Variants in DCLK1 observed in about 807,000 individuals in gnomAD.
The protein encoded by DCLK1 is doublecortin like kinase 1.
DCLK1 carries 16 observed loss-of-function variants against 86.2 expected under a neutral mutation model. The observed-to-expected ratio is 0.19, with a 90% CI of 0.13 to 0.28. DCLK1 has a LOEUF of 0.28. Ranked by LOEUF, DCLK1 falls within the 10% of genes least tolerant of loss-of-function variation. The pLI, the probability that DCLK1 is intolerant of heterozygous loss-of-function variation, is 1.00. For missense variants in DCLK1, 590 were observed against 940.2 expected, an observed-to-expected ratio of 0.63 and a Z score of 4.87; for synonymous variants, 369 against 370.5, an observed-to-expected ratio of 1.00 and a Z score of 0.05.
intron 3 of DCLK1, among the ~76,000 whole-genome samples, chr13:36,105,084 T>C (rs1885342486): frequency 6.6e-6 from 1 of 152,140 alleles, no homozygotes; most frequent in African/African-American, 2.4e-5. Context: ...GAAGAGGAAA[T>C]TGAGATTCAG....
chr13:36,100,872 C>G (rs1211723203), intron 3 of DCLK1, among the ~76,000 whole-genome samples: 3 of 152,222 alleles, frequency 2.0e-5, no homozygotes, highest in Non-Finnish European at 2.9e-5. Context: ...ATAGTCAAGT[C>G]TGCAGTACGT....
chr13:35,855,881 C>A lies in DCLK1; in HGVS notation c.941-1288G>T, dbSNP rs1189284332. On this transcript the variant is annotated intron_variant, in intron 5 of 16. Transcript: ENST00000360631. ...TGAAGTGGCCCTGGGGGCAAGAGAT[C>A]CAGTGACTCATCTGAAAATCGAAAT... 5 of 1,104,294 alleles carry A rather than the reference C, an allele frequency of 4.5e-6. No individual in the cohort carries two copies. In the Admixed American group the frequency reaches 1.5e-4, roughly 32 times the overall value. The allele number at this position is 1,104,294 out of a possible 1,614,324, so 68.4% of individuals were successfully genotyped here.
intron 2 of DCLK1, among the ~76,000 whole-genome samples, chr13:36,118,032 C>T (rs987329285): frequency 7.2e-5 from 11 of 152,070 alleles, no homozygotes; most frequent in Admixed American, 2.0e-4. Flanking sequence ...TAATAATATG[C>T]TCTGTTGCAC....
intron 4 of DCLK1, among the ~76,000 whole-genome samples, chr13:35,932,128 A>G (rs1876475920): frequency 6.6e-6 from 1 of 152,218 alleles, no homozygotes. Flanking sequence ...CAACGTAGGT[A>G]GGCCTCATCC....
At chr13:35,854,765 TCA>T (rs963316038) in intron 5 of DCLK1, among the ~76,000 whole-genome samples, 172 bp from the exon 6 acceptor site, 6 of 152,154 alleles carry the variant, frequency 3.9e-5, no homozygotes, top group African/African-American at 9.7e-5. Context: ...CTTCAGAGAG[TCA>T]CAGTTTTGTA....
intron 6 of DCLK1, chr13:35,848,647 A>C (rs1870388014): frequency 3.6e-5 from 35 of 985,186 alleles, no homozygotes; most frequent in Non-Finnish European, 4.2e-5. Context: ...AACAAATAGC[A>C]TTTATTGGAC....
rs1202957529 is a variant in DCLK1, at chr13:36,011,193, A to AT, written c.724-63737dup. ...AAAAAACCAGCTCCTGGATTCATTG[A>AT]TTTTTTGAAGGGTTTTTTGTGTCTC... On this transcript the variant is annotated intron_variant, in intron 3 of 16. Coordinates refer to ENST00000360631, the MANE Select transcript of DCLK1 (RefSeq NM_001330071.2). Among the ~76,000 whole-genome samples, 361 of 62,354 alleles carry AT rather than the reference A, an allele frequency of 5.8e-3. 2 individuals carry two copies. Among genetic ancestry groups the AT allele is most frequent in the African/African-American group, 0.02 (319 of 16,260 alleles). The allele number at this position is 62,354 out of a possible 152,430, so 40.9% of individuals were successfully genotyped here. A position where few individuals can be genotyped will look rare whatever the true frequency, so the allele number is the denominator to read the frequency against.
intron 3 of DCLK1, among the ~76,000 whole-genome samples, chr13:36,037,315 G>T (rs1232550996): frequency 2.0e-5 from 3 of 152,108 alleles, no homozygotes; most frequent in Admixed American, 2.0e-4. Flanking sequence ...AATAAATAAG[G>T]CCTAGTGTTC....
Position 36,090,547 on chromosome 13 carries a change from G to A in DCLK1, c.723+21322C>T, listed in dbSNP as rs529870147. Among the ~76,000 whole-genome samples, 12 of 152,294 alleles carry A rather than the reference G, an allele frequency of 7.9e-5. No individual in the cohort carries two copies. The South Asian group carries it at 2.3e-3, about 29-fold the overall frequency. ...CACGCCACGCTGGGACAAAAGCTCTGTTCTTAGAAAGAGCTCTCTGGAGGT... is the reference window on the plus strand; with the variant it reads ...CACGCCACGCTGGGACAAAAGCTCTATTCTTAGAAAGAGCTCTCTGGAGGT... On this transcript the variant is annotated intron_variant, in intron 3 of 16. Coordinates refer to ENST00000360631, the MANE Select transcript of DCLK1 (RefSeq NM_001330071.2).
At chr13:35,813,548 G>GA (rs1381319886) in intron 11 of DCLK1, among the ~76,000 whole-genome samples, 4 of 151,864 alleles carry the variant, frequency 2.6e-5, no homozygotes, top group Admixed American at 1.3e-4. Context: ...CAATAACTAA[G>GA]AAAAAATCAC....
In DCLK1 at chr13:36,126,067, C is replaced by T. The variant is rs752565045; in HGVS notation, c.71G>A (p.Gly24Glu). 6.2e-7 allele frequency: 1 copy of T among 1,612,788 alleles called. No individual in the cohort carries two copies. Among genetic ancestry groups the T allele is most frequent in the Non-Finnish European group, 8.5e-7 (1 of 1,179,970 alleles). Residue 24 changes from glycine (G) to glutamate (E), a missense_variant, in exon 2 of 17, where the codon GGG becomes GAG. Gly to Glu is a moderately conservative substitution (Grantham distance 98). Around this residue, in one of 6 missense-constraint regions of DCLK1, gnomAD observed 50 missense variants for 47.8 expected, o/e 1.05. Coordinates refer to ENST00000360631, the MANE Select transcript of DCLK1 (RefSeq NM_001330071.2). Reference sequence around the variant, plus strand: ...GCTCGGCAGGCCGTTCACCCGCGACCCTCGGCTGTATCTCTGCGCCTTATC... The same window carrying T: ...GCTCGGCAGGCCGTTCACCCGCGACTCTCGGCTGTATCTCTGCGCCTTATC... ...ERDKAQRYSRGSRVNGLPSPT... is the reference protein window; with the variant it reads ...ERDKAQRYSRESRVNGLPSPT...
chr13:35,930,285 T>A (rs927929890), intron 4 of DCLK1, among the ~76,000 whole-genome samples: 4 of 152,222 alleles, frequency 2.6e-5, no homozygotes, highest in Non-Finnish European at 5.9e-5. Context: ...CAAATGGGCA[T>A]ATTTCAAATA....
intron 15 of DCLK1, among the ~76,000 whole-genome samples, chr13:35,800,883 A>AT (rs34873101): frequency 0.13 from 17,845 of 135,102 alleles, 1,766 homozygotes; most frequent in African/African-American, 0.27. Flanking sequence ...TGCTGGGCTA[A>AT]TTTTTTTTTT....
At chr13:35,883,639 C>G (rs1370851803) in intron 4 of DCLK1, among the ~76,000 whole-genome samples, 1 of 152,146 alleles carries the variant, frequency 6.6e-6, no homozygotes, top group Non-Finnish European at 1.5e-5. Context: ...ATTTGTGAGT[C>G]TAAAAGGGAA....
At chr13:35,842,317 A>C (rs758445023) in intron 6 of DCLK1, among the ~76,000 whole-genome samples, 49 of 148,326 alleles carry the variant, frequency 3.3e-4, no homozygotes, top group Non-Finnish European at 5.9e-4. Flanking sequence ...TATTGGTCCT[A>C]TCTCTGATTT....
chr13:35,982,820 G>C (rs1331468129), intron 3 of DCLK1, among the ~76,000 whole-genome samples: 1 of 152,066 alleles, frequency 6.6e-6, no homozygotes, highest in Non-Finnish European at 1.5e-5. Flanking sequence ...GGAGTGCAGT[G>C]GCATGGTCTT....
chr13:35,841,717 A>G (rs1869805862), intron 6 of DCLK1, among the ~76,000 whole-genome samples: 1 of 152,230 alleles, frequency 6.6e-6, no homozygotes, highest in Non-Finnish European at 1.5e-5. Flanking sequence ...AGTTCTCTGA[A>G]AATGGAAAGC....
At chr13:35,817,068 G>C (rs2087285176) in intron 11 of DCLK1, among the ~76,000 whole-genome samples, 1 of 152,030 alleles carries the variant, frequency 6.6e-6, no homozygotes, top group Non-Finnish European at 1.5e-5. Context: ...TTTAATTTTT[G>C]CTAGTCTGAT....
chr13:36,091,650 T>C (rs1451204733), intron 3 of DCLK1, among the ~76,000 whole-genome samples: 1 of 152,222 alleles, frequency 6.6e-6, no homozygotes, highest in Non-Finnish European at 1.5e-5. Context: ...CCCAGAGGTA[T>C]AAATATATGT....
Sources: allele counts gnomAD v4.1 joint callset (sites outside exome capture counted in the v4.1 genomes callset), GRCh38; gene constraint gnomAD v4.1.1; regional missense constraint gnomAD v4.1.1; transcripts MANE v1.5; gene names NCBI Gene and HGNC (gene_info 2026-07-23, HGNC 2026-07-21).